The following DPH6 variants were observed in gnomAD, a reference collection of about 807,000 sequenced individuals.
DPH6 encodes the protein diphthamine biosynthesis 6, also known as diphthine--ammonia ligase.
Under a neutral mutation model 38.2 loss-of-function variants are expected in DPH6, and 33 were observed. The observed-to-expected ratio is 0.86, with a 90% CI of 0.65 to 1.15. DPH6 has a LOEUF of 1.15. Ranked by LOEUF, DPH6 falls within the 50% of genes most tolerant of loss-of-function variation. DPH6 has a pLI of 0.00. For synonymous variants in DPH6, 108 were observed against 103.0 expected, an observed-to-expected ratio of 1.05 and a Z score of -0.30; for missense variants, 325 against 320.0, an observed-to-expected ratio of 1.02 and a Z score of -0.12.
chr15:35,535,979 G>T (rs1466265761), intron 3 of DPH6, among the ~76,000 whole-genome samples: 1 of 151,946 alleles, frequency 6.6e-6, no homozygotes, highest in African/African-American at 2.4e-5. Context: ...ACAAAAACAA[G>T]ACTTATGTGT....
At chr15:35,505,882 C>T (rs1353983396) in intron 3 of DPH6, among the ~76,000 whole-genome samples, 6 of 151,874 alleles carry the variant, frequency 4.0e-5, no homozygotes, top group Non-Finnish European at 7.4e-5. Flanking sequence ...AGATTTTTTG[C>T]CTTATAGGTG....
At chr15:35,386,986 A>C (rs2052970036) in intron 6 of DPH6, among the ~76,000 whole-genome samples, 1 of 152,212 alleles carries the variant, frequency 6.6e-6, no homozygotes, top group Non-Finnish European at 1.5e-5. Context: ...TCTAACATGT[A>C]AGTCTTTAAT....
Position 35,228,582 on chromosome 15 carries a change from T to C in DPH6, n.201-8000A>G, listed in dbSNP as rs866197314. ...AGCTGGGACCACAGACACGTGCCAC[T>C]ATGCCTGGCTAATTTTTGTATTTTT... On this transcript the variant is annotated intron_variant and non_coding_transcript_variant, in intron 3 of 3. Coordinates refer to the DPH6 transcript ENST00000560386. Among the ~76,000 whole-genome samples, 6 of 152,118 alleles carry C rather than the reference T, an allele frequency of 3.9e-5. No individual in the cohort carries two copies. The South Asian group carries it at 1.0e-3, about 26-fold the overall frequency.
chr15:35,150,335 G>T, the DPH6 span, among the ~76,000 whole-genome samples: 1 of 152,160 alleles, frequency 6.6e-6, no homozygotes. Context: ...AACAACAAAG[G>T]AGGGGCTTGA....
chr15:35,351,896 A>C (rs1010151845), intron 3 of DPH6, among the ~76,000 whole-genome samples: 2 of 151,892 alleles, frequency 1.3e-5, no homozygotes, highest in Non-Finnish European at 2.9e-5. Context: ...TAATTAAAAA[A>C]ATTAATAGAG....
At chr15:35,245,713 C>G (rs1051163621) in intron 3 of DPH6, among the ~76,000 whole-genome samples, 2 of 152,184 alleles carry the variant, frequency 1.3e-5, no homozygotes, top group African/African-American at 4.8e-5. Context: ...TCTCTCAAAT[C>G]AAACAAATCA....
chr15:35,397,467 A>G (rs1653045786), intron 6 of DPH6, among the ~76,000 whole-genome samples: 1 of 152,234 alleles, frequency 6.6e-6, no homozygotes, highest in South Asian at 2.1e-4. Flanking sequence ...ATGTTACTGG[A>G]AAATATTTCA....
chr15:35,431,370 T>G (rs1322889936), intron 5 of DPH6, among the ~76,000 whole-genome samples: 1 of 151,926 alleles, frequency 6.6e-6, no homozygotes, highest in Non-Finnish European at 1.5e-5. Flanking sequence ...AAAAGGGAGG[T>G]TATGAAAATG....
chr15:35,354,467 T>A (rs1470697184), intron 3 of DPH6, among the ~76,000 whole-genome samples: 2 of 152,188 alleles, frequency 1.3e-5, no homozygotes, highest in Non-Finnish European at 2.9e-5. Context: ...CAATATGAAA[T>A]TTATAGAGAG....
downstream of DPH6, among the ~76,000 whole-genome samples, chr15:35,330,076 G>A (rs80274919): frequency 0.027 from 4,105 of 152,172 alleles, 61 homozygotes; most frequent in Middle Eastern, 0.034. Flanking sequence ...ATGTTTTAAT[G>A]ACAAGTTTCA....
intron 3 of DPH6, among the ~76,000 whole-genome samples, chr15:35,307,055 A>G (rs2052098060): frequency 6.6e-6 from 1 of 152,204 alleles, no homozygotes; most frequent in East Asian, 1.9e-4. Context: ...TACAATCACA[A>G]AAATATGTTT....
At chr15:35,187,516 T>C in the DPH6 span, among the ~76,000 whole-genome samples, 1 of 152,216 alleles carries the variant, frequency 6.6e-6, no homozygotes, top group African/African-American at 2.4e-5. Flanking sequence ...GTTTAAACTT[T>C]ACTAGTGTTT....
chr15:35,262,336 G>A (rs935840179), intron 3 of DPH6, among the ~76,000 whole-genome samples: 1 of 152,112 alleles, frequency 6.6e-6, no homozygotes, highest in African/African-American at 2.4e-5. Flanking sequence ...TTCTAATAAT[G>A]ACTCAGAATA....
At chr15:35,502,517 AAGT>A (rs1300749782) in intron 3 of DPH6, among the ~76,000 whole-genome samples, 1 of 152,044 alleles carries the variant, frequency 6.6e-6, no homozygotes, top group Non-Finnish European at 1.5e-5. Flanking sequence ...AAAGAATAGT[AAGT>A]AGTTAACACT....
the DPH6 span, among the ~76,000 whole-genome samples, chr15:35,161,516 ATGTT>A: frequency 1.3e-5 from 2 of 152,064 alleles, no homozygotes; most frequent in Non-Finnish European, 2.9e-5. Flanking sequence ...TATGGACTGA[ATGTT>A]TGTGTCTCCC....
At chr15:35,467,935 T>C (rs1034246730) in intron 3 of DPH6, among the ~76,000 whole-genome samples, 15 of 152,324 alleles carry the variant, frequency 9.8e-5, no homozygotes, top group African/African-American at 2.9e-4. Flanking sequence ...GAGATTGGAA[T>C]TTTTCAGTTC....
chr15:35,452,645 G>C (rs1457495627), intron 4 of DPH6, among the ~76,000 whole-genome samples: 1 of 152,128 alleles, frequency 6.6e-6, no homozygotes, highest in African/African-American at 2.4e-5. Flanking sequence ...TGCAGAGATT[G>C]TTGCGTGTAA....
At chr15:35,464,921 C>G (rs903351132) in intron 3 of DPH6, among the ~76,000 whole-genome samples, 2 of 152,164 alleles carry the variant, frequency 1.3e-5, no homozygotes, top group African/African-American at 4.8e-5. Context: ...AGCTAAAAGG[C>G]AACCAATACA....
the DPH6 span, among the ~76,000 whole-genome samples, chr15:35,150,209 C>T: frequency 6.6e-6 from 1 of 152,136 alleles, no homozygotes; most frequent in African/African-American, 2.4e-5. Context: ...CTCATGTCCA[C>T]CTTTTAAAAC....
Sources: gnomAD v4.1 joint callset for allele counts (sites outside exome capture counted in the v4.1 genomes callset) on GRCh38, gnomAD v4.1.1 for gene constraint, MANE v1.5 for transcripts, NCBI Gene and HGNC (gene_info 2026-07-23, HGNC 2026-07-21) for gene names.